OCIAD2: variants seen among roughly 807,000 people sequenced by gnomAD.
The protein encoded by OCIAD2 is OCIA domain containing 2.
A neutral mutation model predicts 22.9 loss-of-function variants in OCIAD2; 29 were observed. That is an observed-to-expected ratio of 1.27 (90% confidence interval 0.94 to 1.73). The LOEUF (loss-of-function observed/expected upper bound fraction) is 1.73. OCIAD2 is among the 40% of genes most tolerant of loss of function. OCIAD2 has a pLI of 0.00. For missense variants in OCIAD2, 189 were observed against 180.3 expected (o/e 1.05, Z -0.28); for synonymous variants, 67 against 60.2 (o/e 1.11, Z -0.52).
At chr4:48,900,610 G>A (rs1316705209) in intron 2 of OCIAD2, among the ~76,000 whole-genome samples, 8 of 148,362 alleles carry the variant, frequency 5.4e-5, no homozygotes, top group African/African-American at 9.9e-5. Flanking sequence ...AATTTTAATC[G>A]TTGTGGGTAC....
chr4:48,896,951 G>A (rs180910156), intron 4 of OCIAD2, among the ~76,000 whole-genome samples: 10 of 152,274 alleles, frequency 6.6e-5, no homozygotes, highest in Admixed American at 6.5e-4. Flanking sequence ...ACGCTAAGAG[G>A]CAGGGAGAGG....
chr4:48,901,947 G>A (rs1447600840), intron 2 of OCIAD2, among the ~76,000 whole-genome samples: 3 of 151,874 alleles, frequency 2.0e-5, no homozygotes, highest in Admixed American at 6.6e-5. Context: ...TGGGGGAGGC[G>A]TGGGGGGGGC....
intron 1 of OCIAD2, among the ~76,000 whole-genome samples, chr4:48,905,999 A>G (rs1216413457): frequency 1.3e-5 from 2 of 152,170 alleles, no homozygotes; most frequent in African/African-American, 4.8e-5. Flanking sequence ...ACGTCCATAA[A>G]GCCCCTGCAC....
At chr4:48,901,478 G>A (rs1414259639) in intron 2 of OCIAD2, among the ~76,000 whole-genome samples, 4 of 66,208 alleles carry the variant, frequency 6.0e-5, no homozygotes, top group Non-Finnish European at 9.9e-5. Context: ...AAGATTCCAA[G>A]CAAGTTAAAG....
intron 2 of OCIAD2, among the ~76,000 whole-genome samples, chr4:48,903,469 C>T (rs536303257): frequency 6.6e-6 from 1 of 151,822 alleles, no homozygotes; most frequent in South Asian, 2.1e-4. Context: ...AGACCCCCAT[C>T]TCTAAAAAAT....
chr4:48,906,369 G>A (rs1489596189), intron 1 of OCIAD2, among the ~76,000 whole-genome samples: 1 of 152,192 alleles, frequency 6.6e-6, no homozygotes, highest in Non-Finnish European at 1.5e-5. Context: ...TTGGAGGGGG[G>A]CGCCTGCAGG....
At chr4:48,895,742 G>A (rs187649345) in intron 4 of OCIAD2, among the ~76,000 whole-genome samples, 8 of 152,236 alleles carry the variant, frequency 5.3e-5, no homozygotes, top group African/African-American at 1.9e-4. Context: ...GGCTGGGTGC[G>A]GTGGCTCTTG....
Position 48,892,848 on chromosome 4 carries a change from T to G in OCIAD2, c.307A>C (p.Ile103Leu), listed in dbSNP as rs754763243. 6.2e-7 allele frequency: 1 copy of G among 1,612,122 alleles called. No individual in the cohort carries two copies. Among genetic ancestry groups the G allele is most frequent in the Non-Finnish European group, 8.5e-7 (1 of 1,178,926 alleles). ...LGFGLGKVSYIGVCQSKFHFF... is the reference protein window; with the variant it reads ...LGFGLGKVSYLGVCQSKFHFF... ...TGGAATTTACTCTGGCATACTCCTA[T>G]GTATGATACCTTTCCAAGGCCAAAT... Residue 103 changes from isoleucine (I) to leucine (L), a missense_variant, in exon 6 of 7, where the codon ATA becomes CTA. Coordinates refer to ENST00000508632, the MANE Select transcript of OCIAD2 (RefSeq NM_001014446.3).
chr4:48,899,735 T>C (rs1579156884), intron 3 of OCIAD2, 94 bp downstream of exon 3: 1 of 832,146 alleles, frequency 1.2e-6, no homozygotes, highest in Non-Finnish European at 1.9e-6. Context: ...CAGATATTTA[T>C]GCAAAGTCTC....
chr4:48,885,278 T>C lies in OCIAD2; in HGVS notation c.*206A>G. The stretch of plus-strand genomic sequence containing the variant: ...TACTGGGATTACAGGCATGAGCCAC[T>C]GCGCCATGCCCCGACATGTTCTTAA... On this transcript the variant is annotated 3_prime_UTR_variant, in exon 7 of 7. Coordinates refer to ENST00000508632, the MANE Select transcript of OCIAD2 (RefSeq NM_001014446.3). 1 of 533,538 alleles carries C rather than the reference T, an allele frequency of 1.9e-6. No homozygotes were observed. The highest frequency in any genetic ancestry group is 3.3e-6 in the Non-Finnish European group (1 of 299,306). The allele number at this position is 533,538 out of a possible 1,614,324, so 33.1% of individuals were successfully genotyped here. A position where few individuals can be genotyped will look rare whatever the true frequency, so the allele number is the denominator to read the frequency against.
chr4:48,885,502 A>G lies in OCIAD2; in HGVS notation c.447T>C (p.Ser149=). Reference sequence around the variant, plus strand: ...ACAGAATTTAGGAAGCTGAAGGCTGAGAGTCTCCCTTCTCACTTAATCCAT... The same window carrying G: ...ACAGAATTTAGGAAGCTGAAGGCTGGGAGTCTCCCTTCTCACTTAATCCAT... ...IKHGLSEKGD[S]QPSAS is the part of the protein sequence containing the mutation. Residue 149 remains serine, a synonymous_variant, in exon 7 of 7, where the codon TCT becomes TCC. Coordinates refer to ENST00000508632, the MANE Select transcript of OCIAD2 (RefSeq NM_001014446.3). The G allele has an allele frequency of 1.2e-6, 2 of 1,606,492 alleles. No individual in the cohort carries two copies. The highest frequency in any genetic ancestry group is 8.5e-7 in the Non-Finnish European group (1 of 1,172,980).
intron 6 of OCIAD2, among the ~76,000 whole-genome samples, chr4:48,887,511 TGTATAAG>T (rs1347762651): frequency 6.6e-6 from 1 of 152,252 alleles, no homozygotes; most frequent in Admixed American, 6.5e-5. Context: ...AATAAATTTT[TGTATAAG>T]GTATAAGGAA....
intron 4 of OCIAD2, 61 bp downstream of exon 4, chr4:48,897,742 AG>A (rs1781331513): frequency 1.6e-6 from 2 of 1,267,250 alleles, no homozygotes; most frequent in African/African-American, 1.5e-5. Context: ...AAAAGCTGCC[AG>A]GAGGGTCACA....
intron 6 of OCIAD2, among the ~76,000 whole-genome samples, chr4:48,886,647 A>G (rs576358610): frequency 6.6e-6 from 1 of 152,178 alleles, no homozygotes; most frequent in African/African-American, 2.4e-5. Flanking sequence ...AGTTTCATCC[A>G]TGTCCCTACA....
chr4:48,897,851 G>A lies in OCIAD2; in HGVS notation c.170C>T (p.Pro57Leu). ...QEESFWKRAL[P>L]FSLVSMLVTQ... ...GACAAGCATGCTTACAAGAGAAAAA[G>A]GCAGAGCTGTAAAGCAAAAATGTCC... The change falls in exon 4 of 7, where the codon CCT becomes CTT. Residue 57 changes from proline (P) to leucine (L), a missense_variant. By Grantham distance (98) the Pro-to-Leu change is moderately conservative. Transcript: ENST00000508632. The A allele has an allele frequency of 6.2e-7, 1 of 1,612,360 alleles. No individual in the cohort carries two copies. Among genetic ancestry groups the A allele is most frequent in the Non-Finnish European group, 8.5e-7 (1 of 1,178,640 alleles).
At chr4:48,886,114 A>G (rs528921689) in intron 6 of OCIAD2, among the ~76,000 whole-genome samples, 113 of 152,268 alleles carry the variant, frequency 7.4e-4, no homozygotes, top group Non-Finnish European at 1.4e-3. Flanking sequence ...AAGGTGTAAG[A>G]AAGGGATCCA....
At chr4:48,890,238 C>G (rs1781129273) in intron 6 of OCIAD2, among the ~76,000 whole-genome samples, 1 of 151,778 alleles carries the variant, frequency 6.6e-6, no homozygotes, top group East Asian at 1.9e-4. Flanking sequence ...CACATGTACC[C>G]CAGAACTTAA....
At chr4:48,906,167 G>T (rs1418131243) in intron 1 of OCIAD2, among the ~76,000 whole-genome samples, 6 of 152,220 alleles carry the variant, frequency 3.9e-5, no homozygotes, top group Non-Finnish European at 1.5e-5. Context: ...TCCTCAGTCT[G>T]CACCTAAAAG....
intron 1 of OCIAD2, 27 bp from the exon 2 acceptor site, chr4:48,904,638 T>C: frequency 1.7e-6 from 2 of 1,144,822 alleles, no homozygotes; most frequent in South Asian, 1.2e-5. Flanking sequence ...AGAATCACTA[T>C]GCCATGACTA....
Sources: gnomAD v4.1 joint callset for allele counts (sites outside exome capture counted in the v4.1 genomes callset) on GRCh38, gnomAD v4.1.1 for gene constraint, MANE v1.5 for transcripts, NCBI Gene and HGNC (gene_info 2026-07-23, HGNC 2026-07-21) for gene names.